The following HAUS3 variants were observed in gnomAD, a reference collection of about 807,000 sequenced individuals.
HAUS3 encodes HAUS augmin-like complex subunit 3.
Under a neutral mutation model 55.2 loss-of-function variants are expected in HAUS3, and 36 were observed. The observed-to-expected ratio is 0.65, with a 90% CI of 0.50 to 0.86. The LOEUF is 0.86. Among genes scored for constraint, HAUS3 ranks in the 40% least tolerant of loss-of-function variants. The pLI, the probability that HAUS3 is intolerant of heterozygous loss-of-function variation, is 0.00. For synonymous variants in HAUS3, 234 were observed against 238.6 expected (o/e 0.98, Z 0.18); for missense variants, 752 against 671.5 (o/e 1.12, Z -1.33).
chr4:2,229,267 T>C lies in HAUS3; in HGVS notation c.*2660A>G. 6.5e-7 allele frequency: 1 copy of C among 1,530,090 alleles called. No homozygotes were observed. The highest frequency in any genetic ancestry group is 8.9e-7 in the Non-Finnish European group (1 of 1,124,360). The allele number at this position is 1,530,090 out of a possible 1,614,324, so 94.8% of individuals were successfully genotyped here. On this transcript the variant is annotated 3_prime_UTR_variant, in exon 6 of 6. Transcript: ENST00000443786. ...TCCTAAATGTAAGATTAACATAAGA[T>C]AAATCCCATATATTAATCCTAAGAC...
chr4:2,242,037 C>T lies in HAUS3; in HGVS notation c.-419+14G>A. ...CACACCCCTGCGCCCAGAACCGAGG[C>T]CCGCGTCAGTCACCTCAGGAAGTTC... On this transcript the variant is annotated intron_variant, in intron 1 of 5. Transcript: ENST00000443786. 2 of 985,624 alleles carry T rather than the reference C, an allele frequency of 2.0e-6. No homozygotes were observed. Among genetic ancestry groups the T allele is most frequent in the Non-Finnish European group, 2.4e-6 (2 of 830,050 alleles). 61.1% of individuals were successfully genotyped at this position (985,624 alleles called of 1,614,324 possible). A position where few individuals can be genotyped will look rare whatever the true frequency, so the allele number is the denominator to read the frequency against.
chr4:2,241,892 C>CA, intron 1 of HAUS3, 102 bp from the exon 2 acceptor site: 1 of 985,510 alleles, frequency 1.0e-6, no homozygotes, highest in South Asian at 4.7e-5. Context: ...GCTCCTCGCC[C>CA]AGCGGACCGG....
At chr4:2,234,908 C>T (rs538501521) in intron 5 of HAUS3, among the ~76,000 whole-genome samples, 2 of 152,098 alleles carry the variant, frequency 1.3e-5, no homozygotes, top group Admixed American at 1.3e-4. Context: ...TTTTTTGACA[C>T]CAAGTCTTGC....
rs1577799069 is a variant in HAUS3, at chr4:2,236,758, G to C, written c.1350-302C>G. 2.0e-5 allele frequency among the ~76,000 whole-genome samples: 3 copies of C among 152,014 alleles called. No individual in the cohort carries two copies. In the South Asian group the frequency reaches 6.2e-4, roughly 32 times the overall value. On this transcript the variant is annotated intron_variant, in intron 4 of 5. Transcript: ENST00000443786. ...TGCACCTATAGTCCCAGATACTCCG[G>C]AGGCTGAGGCAGGAGGATTGCTTGA...
intron 3 of HAUS3, 81 bp downstream of exon 3, chr4:2,239,957 A>G (rs1734910781): frequency 9.5e-7 from 1 of 1,053,122 alleles, no homozygotes; most frequent in Non-Finnish European, 1.4e-6. Context: ...GCACCATTCT[A>G]AAGTACTTTA....
chr4:2,233,934 T>C (rs1203183679), intron 5 of HAUS3, among the ~76,000 whole-genome samples: 1 of 152,052 alleles, frequency 6.6e-6, no homozygotes, highest in Non-Finnish European at 1.5e-5. Context: ...AAAGTGTATA[T>C]ACCACCCTGG....
rs114731257 is a variant in HAUS3, at chr4:2,235,454, A to G, written c.1578+774T>C. ...TAAGACCATCATAGCAGTATGATCT[A>G]TAGTAACAAAAACTGTAAATAACCT... On this transcript the variant is annotated intron_variant, in intron 5 of 5. Coordinates refer to ENST00000443786, the MANE Select transcript of HAUS3 (RefSeq NM_001303143.2). 4.8e-3 allele frequency among the ~76,000 whole-genome samples: 733 copies of G among 152,360 alleles called. 7 individuals carry two copies. Among genetic ancestry groups the G allele is most frequent in the African/African-American group, 0.017 (695 of 41,578 alleles).
In HAUS3 at chr4:2,240,743, G is replaced by C; in HGVS notation, c.204C>G (p.Gly68=). ...ATGCCGCCCCTTCTAGAATAGGCTT[G>C]CCTGATTTCTGAAGAATGCTAAAAG... ...LEAFSILQKS[G]KPILEGAALD... Residue 68 remains glycine (G), a synonymous_variant, in exon 3 of 6, where the codon GGC becomes GGG. Transcript: ENST00000443786. 6 of 1,613,946 alleles carry C rather than the reference G, an allele frequency of 3.7e-6. No individual in the cohort carries two copies. The highest frequency in any genetic ancestry group is 5.1e-6 in the Non-Finnish European group (6 of 1,179,990).
At position 2,236,067 on chromosome 4, in the gene HAUS3, CAT is replaced by C. The variant is rs915229563; in HGVS notation, c.1578+159_1578+160del. ...ACACTCATCAAAACTATCTGAAAAA[CAT>C]ATTTATATGTGAACAAAAATTAGGA... is the stretch of plus-strand genomic sequence containing the variant. On this transcript the variant is annotated intron_variant, in intron 5 of 5. Coordinates refer to ENST00000443786, the MANE Select transcript of HAUS3 (RefSeq NM_001303143.2). 8.5e-5 allele frequency among the ~76,000 whole-genome samples: 13 copies of C among 152,232 alleles called. No individual in the cohort carries two copies. In the East Asian group the frequency reaches 1.4e-3, roughly 16 times the overall value.
Position 2,231,978 on chromosome 4 carries a change from C to T in HAUS3, c.1761G>A (p.Val587=), listed in dbSNP as rs746834653. The T allele has an allele frequency of 2.0e-6, 3 of 1,482,494 alleles. No homozygotes were observed. Among genetic ancestry groups the T allele is most frequent in the Non-Finnish European group, 2.8e-6 (3 of 1,070,454 alleles). The allele number at this position is 1,482,494 out of a possible 1,614,324, so 91.8% of individuals were successfully genotyped here. A position where few individuals can be genotyped will look rare whatever the true frequency, so the allele number is the denominator to read the frequency against. Residue 587 remains valine, a synonymous_variant, in exon 6 of 6, where the codon GTG becomes GTA. Coordinates refer to ENST00000443786, the MANE Select transcript of HAUS3 (RefSeq NM_001303143.2). ...TCTTTGATTGAGTTTCTAAATTCTC[C>T]ACAATATCTTTCAGATAATCTTCAT... ...LKDEDYLKDI[V]ENLETQSKIK...
Position 2,231,960 on chromosome 4 carries a change from TTGAG to T in HAUS3, c.1775_1778del (p.Thr592AsnfsTer15), listed in dbSNP as rs1560102330. ...CAAGACTAACAGCCTTAATCTTTGA[TTGAG>T]TTTCTAAATTCTCCACAATATCTTT... On this transcript the variant is annotated frameshift_variant, in exon 6 of 6. Coordinates refer to ENST00000443786, the MANE Select transcript of HAUS3 (RefSeq NM_001303143.2). LOFTEE classifies it high-confidence loss of function. 3 of 1,435,792 alleles carry T rather than the reference TTGAG, an allele frequency of 2.1e-6. No individual in the cohort carries two copies. The highest frequency in any genetic ancestry group is 2.3e-5 in the East Asian group (1 of 43,198). 88.9% of individuals were successfully genotyped at this position (1,435,792 alleles called of 1,614,324 possible).
rs1457155260 is a variant in HAUS3 at position 2,231,859 on chromosome 4, GTTTA to G, written c.*64_*67del. On this transcript the variant is annotated 3_prime_UTR_variant, in exon 6 of 6. Transcript: ENST00000443786. ...CCTCAAATTTTAAAAATTTAGTAGT[GTTTA>G]TTATACACAGTCTTCTAATAAATAA... 3 of 704,666 alleles carry G rather than the reference GTTTA, an allele frequency of 4.3e-6. No homozygotes were observed. In the African/African-American group the frequency reaches 5.6e-5, roughly 13 times the overall value. The allele number at this position is 704,666 out of a possible 1,614,324, so 43.7% of individuals were successfully genotyped here.
In HAUS3 at chr4:2,240,237, T is replaced by G. The variant is rs368361238; in HGVS notation, c.710A>C (p.Asn237Thr). 3.1e-6 allele frequency: 5 copies of G among 1,613,728 alleles called. No homozygotes were observed. The highest frequency in any genetic ancestry group is 4.2e-6 in the Non-Finnish European group (5 of 1,179,836). ...HEVVESSNED[N>T]FQLLDIQTPS... is the part of the protein sequence containing the mutation. ...TGTCTGTATATCTAAAAGTTGAAAA[T>G]TGTCTTCATTTGAACTTTCAACTAC... The change falls in exon 3 of 6, where the codon AAT becomes ACT. Residue 237 changes from asparagine (N) to threonine (T), a missense_variant. Transcript: ENST00000443786.
chr4:2,240,377 A>T lies in HAUS3; in HGVS notation c.570T>A (p.Asn190Lys). 6.2e-7 allele frequency: 1 copy of T among 1,607,612 alleles called. No individual in the cohort carries two copies. Among genetic ancestry groups the T allele is most frequent in the Admixed American group, 1.7e-5 (1 of 58,848 alleles). ...FRHSNLGQGTNPLVFLSQFSL... is the reference protein window; with the variant it reads ...FRHSNLGQGTKPLVFLSQFSL... ...AAAATTGCGATAAAAATACCAGTGG[A>T]TTTGTCCCTTGACCTAAATTAGAAT... The change falls in exon 3 of 6, where the codon AAT (asparagine) becomes AAA (lysine). Residue 190 changes from asparagine (N) to lysine (K), a missense_variant. Transcript: ENST00000443786.
In HAUS3 at chr4:2,238,792, T is replaced by C. The variant is rs1459932257; in HGVS notation, c.1161A>G (p.Leu387=). ...LIKQKASFEL[L]QLSYEIELRK... is the part of the protein sequence containing the mutation. Reference sequence around the variant, plus strand: ...TTAATTCAATTTCATATGATAACTGTAGAAGTTCAAATGATGCCTTTTGTT... The same window carrying C: ...TTAATTCAATTTCATATGATAACTGCAGAAGTTCAAATGATGCCTTTTGTT... Residue 387 remains leucine (L), a synonymous_variant, in exon 4 of 6, where the codon CTA becomes CTG. Coordinates refer to ENST00000443786, the MANE Select transcript of HAUS3 (RefSeq NM_001303143.2). The C allele has an allele frequency of 6.2e-7, 1 of 1,613,542 alleles. No individual in the cohort carries two copies. The highest frequency in any genetic ancestry group is 8.5e-7 in the Non-Finnish European group (1 of 1,179,614).
intron 5 of HAUS3, 130 bp from the exon 6 acceptor site, chr4:2,232,290 A>G (rs973801153): frequency 4.9e-5 from 24 of 494,552 alleles, no homozygotes; most frequent in Non-Finnish European, 7.4e-5. Flanking sequence ...CAATAAATAA[A>G]CCTCGATTTA....
In HAUS3 at chr4:2,230,475, A is replaced by C. The variant is rs1380890193; in HGVS notation, c.*1452T>G. The C allele has an allele frequency of 2.7e-5, 4 of 150,430 alleles. No homozygotes were observed. Among genetic ancestry groups the C allele is most frequent in the African/African-American group, 1.0e-4 (4 of 40,002 alleles). 9.3% of individuals were successfully genotyped at this position (150,430 alleles called of 1,614,324 possible). ...AGAATAGAAAAAAACATATACAACA[A>C]AAAAAAAGTTGCTCAGGTGATAGGG... On this transcript the variant is annotated 3_prime_UTR_variant, in exon 6 of 6. Transcript: ENST00000443786.
rs1033971441 is a variant in HAUS3, at chr4:2,228,991, G to A, written c.*2936C>T. 1.8e-6 allele frequency: 2 copies of A among 1,103,600 alleles called. No homozygotes were observed. The highest frequency in any genetic ancestry group is 2.9e-4 in the Middle Eastern group (1 of 3,490). The allele number at this position is 1,103,600 out of a possible 1,614,324, so 68.4% of individuals were successfully genotyped here. A position where few individuals can be genotyped will look rare whatever the true frequency, so the allele number is the denominator to read the frequency against. On this transcript the variant is annotated 3_prime_UTR_variant, in exon 6 of 6. Transcript: ENST00000443786. The stretch of plus-strand genomic sequence containing the variant: ...GCACTGAATGAGTGTAAAAGGGGCG[G>A]GAGCTGGGCTTCATCTGTCTACATG...
At chr4:2,232,241 A>G (rs1174528190) in intron 5 of HAUS3, 81 bp from the exon 6 acceptor site, 3 of 655,098 alleles carry the variant, frequency 4.6e-6, no homozygotes, top group African/African-American at 3.9e-5. Context: ...ATTTACATGG[A>G]AAGACTTTAA....
Sources: gnomAD v4.1 joint callset for allele counts (sites outside exome capture counted in the v4.1 genomes callset) on GRCh38, gnomAD v4.1.1 for gene constraint, MANE v1.5 for transcripts, NCBI Gene and HGNC (gene_info 2026-07-23, HGNC 2026-07-21) for gene names.